SLC35D4: variants seen among roughly 807,000 people sequenced by gnomAD.
SLC35D4 encodes the protein UDP-N-acetylglucosamine transporter SLC35D4.
chr18:23,423,714 TG>T, the SLC35D4 span, among the ~76,000 whole-genome samples: 1 of 152,102 alleles, frequency 6.6e-6, no homozygotes, highest in Non-Finnish European at 1.5e-5. Flanking sequence ...GTCTAGTGAG[TG>T]GGTAAGACTT....
chr18:23,421,351 C>G, the SLC35D4 span: 1 of 1,609,760 alleles, frequency 6.2e-7, no homozygotes, highest in Admixed American at 1.7e-5. Flanking sequence ...ATGAGTCCAG[C>G]ATAGAGAGGT....
chr18:23,352,729 C>T, the SLC35D4 span, among the ~76,000 whole-genome samples: 1 of 152,134 alleles, frequency 6.6e-6, no homozygotes, highest in African/African-American at 2.4e-5. Flanking sequence ...CCTCCAGGCT[C>T]AAAAGAATCT....
the SLC35D4 span, among the ~76,000 whole-genome samples, chr18:23,373,191 T>G: frequency 3.9e-5 from 6 of 152,022 alleles, no homozygotes; most frequent in Admixed American, 3.3e-4. Context: ...GGTGGGCGCT[T>G]GTAATCCCAG....
At chr18:23,253,155 C>CTG in the SLC35D4 span, 1 of 748,864 alleles carries the variant, frequency 1.3e-6, no homozygotes, top group Non-Finnish European at 2.4e-6. Flanking sequence ...GTGGTCCTTC[C>CTG]TGTGGTTCCA....
the SLC35D4 span, among the ~76,000 whole-genome samples, chr18:23,250,231 A>G: frequency 5.3e-5 from 8 of 152,112 alleles, no homozygotes; most frequent in Non-Finnish European, 4.4e-5. Context: ...GCCCCCAACA[A>G]AGGCAGATGA....
At chr18:23,364,368 G>A in the SLC35D4 span, among the ~76,000 whole-genome samples, 2 of 152,084 alleles carry the variant, frequency 1.3e-5, no homozygotes, top group Non-Finnish European at 1.5e-5. Flanking sequence ...CAGTGGGGGA[G>A]CCAAGGAAAG....
At chr18:23,341,393 G>T in the SLC35D4 span, among the ~76,000 whole-genome samples, 1 of 152,220 alleles carries the variant, frequency 6.6e-6, no homozygotes, top group Non-Finnish European at 1.5e-5. Flanking sequence ...CTCAGAACTT[G>T]GAACTGATGA....
chr18:23,399,414 G>A, the SLC35D4 span: 7 of 660,000 alleles, frequency 1.1e-5, no homozygotes, highest in African/African-American at 5.5e-5. Context: ...CCTGTTATCT[G>A]ATTATCTTCA....
the SLC35D4 span, among the ~76,000 whole-genome samples, chr18:23,418,500 T>C: frequency 8.6e-5 from 13 of 151,288 alleles, no homozygotes; most frequent in Non-Finnish European, 1.5e-5. Flanking sequence ...GCCTCCCAAG[T>C]AGCCATGCTG....
the SLC35D4 span, among the ~76,000 whole-genome samples, chr18:23,318,390 T>C: frequency 7.2e-5 from 11 of 152,350 alleles, no homozygotes; most frequent in East Asian, 1.9e-3. Flanking sequence ...CTTCGTGGTG[T>C]CCTTTGCAGC....
the SLC35D4 span, among the ~76,000 whole-genome samples, chr18:23,430,982 C>T: frequency 3.3e-5 from 5 of 151,606 alleles, no homozygotes; most frequent in South Asian, 8.3e-4. Context: ...GGTGAAACCC[C>T]GTCTCTATTA....
chr18:23,282,317 C>A, the SLC35D4 span, among the ~76,000 whole-genome samples: 1 of 152,194 alleles, frequency 6.6e-6, no homozygotes, highest in Non-Finnish European at 1.5e-5. Flanking sequence ...AGACTCCCCC[C>A]CAGTTGATCC....
chr18:23,313,973 C>T, the SLC35D4 span, among the ~76,000 whole-genome samples: 7 of 152,220 alleles, frequency 4.6e-5, no homozygotes, highest in African/African-American at 7.2e-5. Flanking sequence ...CCTTGACTGA[C>T]GCCCCACAGA....
the SLC35D4 span, among the ~76,000 whole-genome samples, chr18:23,390,918 C>T: frequency 1.2e-4 from 18 of 152,078 alleles, no homozygotes; most frequent in Non-Finnish European, 2.1e-4. Context: ...TTACCAAAAT[C>T]GTGCATGCAA....
At chr18:23,253,055 C>A in the SLC35D4 span, 1 of 1,607,254 alleles carries the variant, frequency 6.2e-7, no homozygotes, top group Non-Finnish European at 8.5e-7. Context: ...TGACACTCAG[C>A]AAAATTAGGA....
the SLC35D4 span, among the ~76,000 whole-genome samples, chr18:23,333,576 A>G: frequency 1.7e-5 from 2 of 119,840 alleles, no homozygotes; most frequent in Non-Finnish European, 3.9e-5. Context: ...GCAATTTGGA[A>G]TAATAAGATC....
the SLC35D4 span, chr18:23,257,578 G>A: frequency 2.0e-6 from 1 of 504,370 alleles, no homozygotes; most frequent in Non-Finnish European, 3.4e-6. Flanking sequence ...TCAAGCACGG[G>A]AAGAGGAGGT....
the SLC35D4 span, among the ~76,000 whole-genome samples, chr18:23,436,542 C>A: frequency 6.6e-6 from 1 of 152,040 alleles, no homozygotes; most frequent in Non-Finnish European, 1.5e-5. Flanking sequence ...CCTGTAATCT[C>A]AGCATTTTGG....
At chr18:23,369,559 T>G in the SLC35D4 span, among the ~76,000 whole-genome samples, 4 of 152,202 alleles carry the variant, frequency 2.6e-5, no homozygotes, top group South Asian at 6.2e-4. Context: ...TGTCCCTCTG[T>G]GCTTGATGCA....
Sources: gnomAD v4.1 joint callset for allele counts (sites outside exome capture counted in the v4.1 genomes callset) on GRCh38, gnomAD v4.1.1 for gene constraint, MANE v1.5 for transcripts, NCBI Gene and HGNC (gene_info 2026-07-23, HGNC 2026-07-21) for gene names.